PTDSS1: variants seen among roughly 807,000 people sequenced by gnomAD.
The protein encoded by PTDSS1 is PSS-1.
Under a neutral mutation model 70.5 loss-of-function variants are expected in PTDSS1, and 45 were observed. The ratio of observed to expected loss-of-function variants is 0.64; its 90% CI spans 0.50 to 0.82. The LOEUF is 0.82. Ranked by LOEUF, PTDSS1 falls within the 40% of genes least tolerant of loss-of-function variation. The probability of loss-of-function intolerance (pLI) is 0.00; values close to 1 mark genes in which losing one functional copy is unlikely to be tolerated. For synonymous variants in PTDSS1, 188 were observed against 203.8 expected (o/e 0.92, Z 0.66); for missense variants, 417 against 586.1 (o/e 0.71, Z 2.98).
chr8:96,292,962 C>T (rs561992642), intron 4 of PTDSS1, among the ~76,000 whole-genome samples: 80 of 152,312 alleles, frequency 5.3e-4, no homozygotes, highest in Non-Finnish European at 1.0e-3. Context: ...AAGTCAGCAA[C>T]TGCCCCAGAG....
At chr8:96,314,875 C>T (rs1412342058) in intron 9 of PTDSS1, among the ~76,000 whole-genome samples, 6 of 152,122 alleles carry the variant, frequency 3.9e-5, no homozygotes, top group African/African-American at 7.2e-5. Context: ...GGATTACAGG[C>T]GTGAGCCACC....
At chr8:96,297,185 C>T (rs1810987733) in intron 5 of PTDSS1, among the ~76,000 whole-genome samples, 1 of 152,102 alleles carries the variant, frequency 6.6e-6, no homozygotes, top group South Asian at 2.1e-4. Flanking sequence ...GTCCATTACT[C>T]TGTTTTTTTT....
chr8:96,295,284 C>T, intron 5 of PTDSS1, 28 bp downstream of exon 5: 1 of 1,597,594 alleles, frequency 6.3e-7, no homozygotes, highest in Middle Eastern at 1.7e-4. Context: ...GGGGGTTCCC[C>T]AGACTGTGCC....
chr8:96,287,195 G>T (rs112924913), intron 4 of PTDSS1, 49 bp downstream of exon 4: 32 of 1,593,402 alleles, frequency 2.0e-5, no homozygotes, highest in Non-Finnish European at 2.5e-5. Flanking sequence ...ACTCTTTCTT[G>T]GGTGTAAGAG....
At position 96,303,921 on chromosome 8, in the gene PTDSS1, A is replaced by G. The variant is rs150115988; in HGVS notation, c.753-119A>G. 518 of 1,092,856 alleles carry G rather than the reference A, an allele frequency of 4.7e-4. 1 individual carries two copies. In the African/African-American group the frequency reaches 7.7e-3, roughly 16 times the overall value. The allele number at this position is 1,092,856 out of a possible 1,614,324, so 67.7% of individuals were successfully genotyped here. ...TTGAGACACAATTCAAATAAAAAGC[A>G]GTCTCTTTGTCCTGAGCATTTATTA... On this transcript the variant is annotated intron_variant, in intron 6 of 12. Transcript: ENST00000517309.
Position 96,262,244 on chromosome 8 carries a change from G to T in PTDSS1, c.179+25G>T. On this transcript the variant is annotated intron_variant, in intron 1 of 12. Coordinates refer to ENST00000517309, the MANE Select transcript of PTDSS1 (RefSeq NM_014754.3). This position sits in a 1 kb window ranked among gnomAD's most constrained non-coding sequence, Gnocchi z 4.4. Reference sequence around the variant, plus strand: ...GGTGGGGCGGCCCAGCCGAGCGGGGGGCGCGTCCAAGGGCTAGGGAAGAGG... The same window carrying T: ...GGTGGGGCGGCCCAGCCGAGCGGGGTGCGCGTCCAAGGGCTAGGGAAGAGG... The T allele has an allele frequency of 1.2e-6, 2 of 1,605,110 alleles. No individual in the cohort carries two copies. The highest frequency in any genetic ancestry group is 1.7e-6 in the Non-Finnish European group (2 of 1,174,590).
intron 4 of PTDSS1, among the ~76,000 whole-genome samples, chr8:96,294,621 A>G (rs1424071861): frequency 6.6e-6 from 1 of 152,092 alleles, no homozygotes; most frequent in Non-Finnish European, 1.5e-5. Flanking sequence ...ATTTTCCTCT[A>G]AAGTTCAATT....
At chr8:96,306,733 C>T (rs893996693) in intron 8 of PTDSS1, among the ~76,000 whole-genome samples, 177 bp downstream of exon 8, 1 of 152,158 alleles carries the variant, frequency 6.6e-6, no homozygotes, top group Non-Finnish European at 1.5e-5. Flanking sequence ...TAACATTAAC[C>T]AGACATTTAA....
At position 96,334,039 on chromosome 8, in the gene PTDSS1, G is replaced by T; in HGVS notation, c.*473G>T. ...AGGCCACTTTTCTGTCTTTTATTTGGTTACTGTTGTTATTTGTTTTTAAGT... is the reference window on the plus strand; with the variant it reads ...AGGCCACTTTTCTGTCTTTTATTTGTTTACTGTTGTTATTTGTTTTTAAGT... On this transcript the variant is annotated 3_prime_UTR_variant, in exon 13 of 13. Transcript: ENST00000517309. 2.3e-6 allele frequency: 1 copy of T among 425,660 alleles called. No individual in the cohort carries two copies. Among genetic ancestry groups the T allele is most frequent in the South Asian group, 6.9e-5 (1 of 14,474 alleles). 26.4% of individuals were successfully genotyped at this position (425,660 alleles called of 1,614,324 possible).
At chr8:96,276,976 G>GCACACACACACACACACA (rs1278729372) in intron 2 of PTDSS1, among the ~76,000 whole-genome samples, 5 of 107,610 alleles carry the variant, frequency 4.6e-5, no homozygotes, top group African/African-American at 1.5e-4. Flanking sequence ...GCGCGCACGC[G>GCACACACACACACACACA]CGCGCACACA....
At position 96,335,143 on chromosome 8, in the gene PTDSS1, G is replaced by A. The variant is rs375581814; in HGVS notation, c.*1577G>A. On this transcript the variant is annotated 3_prime_UTR_variant, in exon 13 of 13. Coordinates refer to ENST00000517309, the MANE Select transcript of PTDSS1 (RefSeq NM_014754.3). The stretch of plus-strand genomic sequence containing the variant: ...TTTGGCTGTGATGAGCCTCAGCTCC[G>A]AGCTCTCAAATGTCCTCCAGCCAGC... The A allele has an allele frequency of 2.5e-4, 38 of 152,212 alleles. No homozygotes were observed. Among genetic ancestry groups the A allele is most frequent in the African/African-American group, 9.2e-4 (38 of 41,530 alleles). 9.4% of individuals were successfully genotyped at this position (152,212 alleles called of 1,614,324 possible).
rs570957707 is a variant in PTDSS1, at chr8:96,330,746, G to C, written c.1243-280G>C. On this transcript the variant is annotated intron_variant, in intron 11 of 12. Transcript: ENST00000517309. ...AAGACACGATGGCCGTCTGGTAGAC[G>C]GTAATATTTTTTTCGGTAAAAATAA... The C allele has an allele frequency of 2.3e-3, 1,001 of 443,700 alleles. 12 individuals carry two copies. The highest frequency in any genetic ancestry group is 8.3e-3 in the South Asian group (275 of 33,310). The allele number at this position is 443,700 out of a possible 1,614,324, so 27.5% of individuals were successfully genotyped here. A position where few individuals can be genotyped will look rare whatever the true frequency, so the allele number is the denominator to read the frequency against.
At chr8:96,318,837 A>G (rs1212669355) in intron 9 of PTDSS1, among the ~76,000 whole-genome samples, 3 of 145,840 alleles carry the variant, frequency 2.1e-5, no homozygotes, top group Non-Finnish European at 4.5e-5. Flanking sequence ...ACTTTTGATG[A>G]TGGCAGTGAC....
chr8:96,298,203 A>G (rs1450847843), intron 5 of PTDSS1, among the ~76,000 whole-genome samples: 3 of 152,352 alleles, frequency 2.0e-5, no homozygotes, highest in East Asian at 1.9e-4. Flanking sequence ...TGCAGCCACA[A>G]GCCATCACAT....
rs529440742 is a variant in PTDSS1 at position 96,302,418 on chromosome 8, A to G, written c.753-1622A>G. Among the ~76,000 whole-genome samples the G allele has an allele frequency of 5.9e-5, 9 of 152,336 alleles. No individual in the cohort carries two copies. The South Asian group carries it at 1.9e-3, about 32-fold the overall frequency. ...TTGCTCCAAGCAAGCTTCACAAGCA[A>G]TATCTCATTTGAGCCTTGAATCAGT... On this transcript the variant is annotated intron_variant, in intron 6 of 12. Coordinates refer to ENST00000517309, the MANE Select transcript of PTDSS1 (RefSeq NM_014754.3).
intron 9 of PTDSS1, among the ~76,000 whole-genome samples, chr8:96,317,231 C>T (rs1811307587): frequency 6.6e-6 from 1 of 151,896 alleles, no homozygotes; most frequent in Non-Finnish European, 1.5e-5. Flanking sequence ...CCCCTGATTC[C>T]TGGCCCTTCC....
At chr8:96,330,971 C>T in intron 11 of PTDSS1, 55 bp from the exon 12 acceptor site, 1 of 1,493,150 alleles carries the variant, frequency 6.7e-7, no homozygotes, top group Non-Finnish European at 9.3e-7. Context: ...TTTGCCCTGC[C>T]ACTTCTCCCA....
At chr8:96,309,703 AGCCTTTCAGTAT>A in intron 9 of PTDSS1, 81 bp downstream of exon 9, 1 of 1,376,284 alleles carries the variant, frequency 7.3e-7, no homozygotes, top group Non-Finnish European at 1.0e-6. Context: ...CTGTGTTAAG[AGCCTTTCAGTAT>A]AATTTTTCTA....
At chr8:96,308,879 C>G (rs1811164942) in intron 8 of PTDSS1, among the ~76,000 whole-genome samples, 1 of 152,102 alleles carries the variant, frequency 6.6e-6, no homozygotes, top group African/African-American at 2.4e-5. Flanking sequence ...AACACCATGT[C>G]ATTGCCTGTT....
Sources: gnomAD v4.1 joint callset for allele counts (sites outside exome capture counted in the v4.1 genomes callset) on GRCh38, gnomAD v4.1.1 for gene constraint, Gnocchi (gnomAD v3.1) non-coding constraint, MANE v1.5 for transcripts, NCBI Gene and HGNC (gene_info 2026-07-23, HGNC 2026-07-21) for gene names.